ESRRG: variants seen among roughly 807,000 people sequenced by gnomAD.
ESRRG encodes estrogen-related receptor gamma.
A neutral mutation model predicts 44.0 loss-of-function variants in ESRRG; 13 were observed. The observed-to-expected ratio is 0.30, with a 90% confidence interval of 0.19 to 0.47. The LOEUF (loss-of-function observed/expected upper bound fraction) is 0.47, where lower values mean the gene tolerates loss of function less well. ESRRG is among the 20% of genes least tolerant of loss of function. The pLI is 1.00. For missense variants in ESRRG, 395 were observed against 580.6 expected (o/e 0.68, Z 3.29); for synonymous variants, 215 against 214.6 (o/e 1.00, Z -0.02).
chr1:216,555,899 A>T (rs980814393), intron 5 of ESRRG, among the ~76,000 whole-genome samples: 1 of 152,076 alleles, frequency 6.6e-6, no homozygotes, highest in Non-Finnish European at 1.5e-5. Context: ...TGAGGCAGAT[A>T]AAGGGGGACG....
intron 1 of ESRRG, among the ~76,000 whole-genome samples, chr1:217,105,866 T>C (rs1558267049): frequency 6.6e-6 from 1 of 152,110 alleles, no homozygotes; most frequent in African/African-American, 2.4e-5. Flanking sequence ...GGTGAAAACG[T>C]TGGAGGCCAT....
At chr1:217,122,436 A>G (rs2092831742) in intron 1 of ESRRG, among the ~76,000 whole-genome samples, 2 of 152,154 alleles carry the variant, frequency 1.3e-5, no homozygotes, top group South Asian at 4.1e-4. Context: ...CCTATATTCT[A>G]TAGGCCTGTA....
chr1:217,002,028 A>G (rs1579315333), intron 1 of ESRRG, among the ~76,000 whole-genome samples: 1 of 152,072 alleles, frequency 6.6e-6, no homozygotes. Flanking sequence ...GCACCCGGGC[A>G]TGATGGCTCA....
At chr1:217,041,593 T>A (rs1478637122) in intron 1 of ESRRG, among the ~76,000 whole-genome samples, 1 of 152,180 alleles carries the variant, frequency 6.6e-6, no homozygotes, top group Non-Finnish European at 1.5e-5. Flanking sequence ...ATCTTTTGCT[T>A]CTCTGGAAAA....
chr1:216,887,675 C>T (rs2057213388), intron 2 of ESRRG, among the ~76,000 whole-genome samples: 2 of 152,176 alleles, frequency 1.3e-5, no homozygotes, highest in African/African-American at 2.4e-5. Flanking sequence ...TTTTCTGCCA[C>T]ATGCTGAAAC....
At chr1:216,623,496 C>G (rs564139565) in intron 3 of ESRRG, among the ~76,000 whole-genome samples, 3 of 152,236 alleles carry the variant, frequency 2.0e-5, no homozygotes, top group Non-Finnish European at 4.4e-5. Flanking sequence ...ATATTCCCTG[C>G]CCCTGTTCTT....
chr1:217,069,783 G>A (rs1051998734), intron 1 of ESRRG, among the ~76,000 whole-genome samples: 4 of 152,120 alleles, frequency 2.6e-5, no homozygotes, highest in African/African-American at 4.8e-5. Context: ...AGACACCATA[G>A]TGTCTGGTGG....
Position 217,011,685 on chromosome 1 carries a change from C to A in ESRRG, c.-105-72012G>T, listed in dbSNP as rs144623138. 7.9e-4 allele frequency among the ~76,000 whole-genome samples: 121 copies of A among 152,250 alleles called. No homozygotes were observed. The Middle Eastern group carries it at 0.031, about 39-fold the overall frequency. On this transcript the variant is annotated intron_variant, in intron 1 of 7. Transcript: ENST00000359162. ...TAATGTCCACATATGCACAAACACA[C>A]ACCTCACTGTGGGTACCTCATATCT...
At chr1:216,871,353 C>G (rs1334337473) in intron 2 of ESRRG, among the ~76,000 whole-genome samples, 1 of 151,870 alleles carries the variant, frequency 6.6e-6, no homozygotes, top group Non-Finnish European at 1.5e-5. Flanking sequence ...TATATTATTT[C>G]ATTTTTTTGC....
At chr1:216,536,993 C>T (rs974404887) in intron 5 of ESRRG, among the ~76,000 whole-genome samples, 6 of 151,990 alleles carry the variant, frequency 3.9e-5, no homozygotes, top group East Asian at 3.9e-4. Flanking sequence ...CAAGGAAAGC[C>T]TCACTGGTAC....
chr1:217,048,532 C>T (rs2085312949), intron 1 of ESRRG, among the ~76,000 whole-genome samples: 1 of 152,088 alleles, frequency 6.6e-6, no homozygotes, highest in Admixed American at 6.6e-5. Flanking sequence ...CAGTGAGGAC[C>T]CAGAAGTCAC....
At chr1:216,723,995 C>A (rs538514179), upstream of ESRRG, among the ~76,000 whole-genome samples, 5 of 152,162 alleles carry the variant, frequency 3.3e-5, no homozygotes, top group East Asian at 9.7e-4. Flanking sequence ...CTAATCATGT[C>A]TTTTCCTGTT....
At chr1:216,660,273 A>G (rs2151208280) in intron 2 of ESRRG, among the ~76,000 whole-genome samples, 1 of 152,350 alleles carries the variant, frequency 6.6e-6, no homozygotes, top group Non-Finnish European at 1.5e-5. Context: ...AGATATCCCA[A>G]CATCCAGTTC....
chr1:216,805,789 T>C (rs2094773743), intron 2 of ESRRG, among the ~76,000 whole-genome samples: 1 of 152,270 alleles, frequency 6.6e-6, no homozygotes, highest in South Asian at 2.1e-4. Context: ...TTGTTTTGGC[T>C]TTGTTTATTT....
chr1:216,839,684 C>A (rs2095620851), intron 2 of ESRRG, among the ~76,000 whole-genome samples: 1 of 152,014 alleles, frequency 6.6e-6, no homozygotes, highest in South Asian at 2.1e-4. Flanking sequence ...CATCAGAGCT[C>A]TTGGGTAACC....
chr1:217,118,995 G>C (rs894782584), intron 1 of ESRRG, among the ~76,000 whole-genome samples: 5 of 143,372 alleles, frequency 3.5e-5, no homozygotes, highest in African/African-American at 1.3e-4. Context: ...CCTATCTCTA[G>C]AAACTAGATG....
At chr1:216,818,699 G>A (rs1235004882) in intron 2 of ESRRG, among the ~76,000 whole-genome samples, 1 of 151,870 alleles carries the variant, frequency 6.6e-6, no homozygotes, top group African/African-American at 2.4e-5. Flanking sequence ...TTGCTGCATA[G>A]ATCATCCCAT....
intron 2 of ESRRG, among the ~76,000 whole-genome samples, chr1:216,743,930 G>A (rs941672816): frequency 2.6e-5 from 4 of 152,162 alleles, no homozygotes; most frequent in African/African-American, 9.7e-5. Context: ...CCTGCTTACG[G>A]AAACTTTTGC....
At chr1:217,008,740 T>G (rs2078116699) in intron 1 of ESRRG, among the ~76,000 whole-genome samples, 2 of 152,210 alleles carry the variant, frequency 1.3e-5, no homozygotes. Context: ...ATATACCACT[T>G]AAGTCCACAC....
Sources: gnomAD v4.1 joint callset for allele counts (sites outside exome capture counted in the v4.1 genomes callset) on GRCh38, gnomAD v4.1.1 for gene constraint, MANE v1.5 for transcripts, NCBI Gene and HGNC (gene_info 2026-07-23, HGNC 2026-07-21) for gene names.